NOMO3: variants seen among roughly 807,000 people sequenced by gnomAD.
The protein encoded by NOMO3 is BOS complex subunit NOMO3.
In NOMO3, 15 loss-of-function variants were observed where a neutral mutation model predicts 69.9. The observed-to-expected ratio is 0.21, with a 90% CI of 0.14 to 0.33. The LOEUF (loss-of-function observed/expected upper bound fraction) is 0.33, where lower values mean the gene tolerates loss of function less well. NOMO3 is among the 10% of genes least tolerant of loss of function. NOMO3 has a pLI of 1.00. For synonymous variants in NOMO3, 89 were observed against 301.9 expected (o/e 0.29, Z 7.31); for missense variants, 218 against 761.0 (o/e 0.29, Z 8.39).
intron 14 of NOMO3, 114 bp from the exon 15 acceptor site, chr16:16,264,929 A>G (rs1196652908): frequency 3.1e-6 from 2 of 640,898 alleles, no homozygotes; most frequent in Non-Finnish European, 5.1e-6. Context: ...CTTTATGTCT[A>G]CATACACACC....
intron 13 of NOMO3, 116 bp from the exon 14 acceptor site, chr16:16,263,397 C>A: frequency 6.5e-7 from 1 of 1,537,472 alleles, no homozygotes; most frequent in Non-Finnish European, 8.7e-7. Context: ...CTGCCTCCGG[C>A]CACTGCCTCT....
intron 11 of NOMO3, chr16:16,260,927 C>G (rs1596810770): frequency 7.2e-6 from 1 of 139,714 alleles, no homozygotes; most frequent in Non-Finnish European, 1.6e-5. Context: ...TGGCTCCTAC[C>G]TCCCAAGGAG....
At chr16:16,244,331 T>C (rs1404767477) in intron 4 of NOMO3, among the ~76,000 whole-genome samples, 1 of 132,952 alleles carries the variant, frequency 7.5e-6, no homozygotes, top group African/African-American at 3.3e-5. Context: ...ATTTATTTTT[T>C]TGAGACAGAG....
chr16:16,240,550 CA>C (rs2049367066), intron 3 of NOMO3, among the ~76,000 whole-genome samples: 1 of 145,454 alleles, frequency 6.9e-6, no homozygotes, highest in Non-Finnish European at 1.5e-5. Context: ...CACATCCCAA[CA>C]AAAGCTCCAA....
In NOMO3 at chr16:16,269,127, C is replaced by T. The variant is rs560581278; in HGVS notation, c.1895-994C>T. On this transcript the variant is annotated intron_variant, in intron 16 of 30. Transcript: ENST00000399336. ...TCCTGCCCCTCCTAGCTGGGGCCTT[C>T]TTACCCATCAGTTCAGTATTGCTTC... is the stretch of plus-strand genomic sequence containing the variant. Among the ~76,000 whole-genome samples the T allele has an allele frequency of 2.6e-4, 38 of 144,282 alleles. 2 individuals are homozygous for T. The South Asian group carries it at 8.1e-3, about 31-fold the overall frequency. The allele number at this position is 144,282 out of a possible 152,430, so 94.7% of individuals were successfully genotyped here. A position where few individuals can be genotyped will look rare whatever the true frequency, so the allele number is the denominator to read the frequency against.
Position 16,256,219 on chromosome 16 carries a change from A to C in NOMO3, c.1220+61A>C, listed in dbSNP as rs867460896. On this transcript the variant is annotated intron_variant, in intron 11 of 30. Coordinates refer to ENST00000399336, the MANE Select transcript of NOMO3 (RefSeq NM_001004067.4). ...ATATGCTGGCAGCCAGTGTAGAACC[A>C]AATGACCTGTGATCTGTGTGTCTTT... 30 of 1,553,576 alleles carry C rather than the reference A, an allele frequency of 1.9e-5. 2 individuals are homozygous for C. Among genetic ancestry groups the C allele is most frequent in the Non-Finnish European group, 2.5e-5 (29 of 1,154,538 alleles).
rs537581243 is a variant in NOMO3 at position 16,236,690 on chromosome 16, T to C, written c.166-211T>C. Among the ~76,000 whole-genome samples, 69 of 145,008 alleles carry C rather than the reference T, an allele frequency of 4.8e-4. 2 individuals carry two copies. The highest frequency in any genetic ancestry group is 1.7e-3 in the African/African-American group (61 of 36,450). On this transcript the variant is annotated intron_variant, in intron 1 of 30. Coordinates refer to ENST00000399336, the MANE Select transcript of NOMO3 (RefSeq NM_001004067.4). ...AAAAATAAGGCATTGTAATAGGCTG[T>C]AGGTGGTTTCTAATCTGAAAAACAT...
chr16:16,265,120 G>A lies in NOMO3; in HGVS notation c.1747G>A (p.Val583Ile), dbSNP rs371888178. Residue 583 changes from valine (V) to isoleucine (I), a missense_variant, in exon 15 of 31, where the codon GTT (valine) becomes ATT (isoleucine). By Grantham distance (29) the Val-to-Ile change is conservative. Coordinates refer to ENST00000399336, the MANE Select transcript of NOMO3 (RefSeq NM_001004067.4). ...VEVLEDDVSA[V>I]EFRQTGYMLR... Reference sequence around the variant, plus strand: ...AGTGCTGGAGGATGACGTGTCTGCAGTTGAGTTCAGGCAGACGGGCTACAT... The same window carrying A: ...AGTGCTGGAGGATGACGTGTCTGCAATTGAGTTCAGGCAGACGGGCTACAT... 2 of 1,582,548 alleles carry A rather than the reference G, an allele frequency of 1.3e-6. No individual in the cohort carries two copies. The highest frequency in any genetic ancestry group is 1.7e-6 in the Non-Finnish European group (2 of 1,176,002).
At chr16:16,238,938 G>T (rs2049352561) in intron 2 of NOMO3, among the ~76,000 whole-genome samples, 2 of 135,286 alleles carry the variant, frequency 1.5e-5, no homozygotes, top group Admixed American at 7.1e-5. Flanking sequence ...AATTAGCCGG[G>T]TGTCACGTGG....
chr16:16,237,555 T>C (rs2049336975), intron 2 of NOMO3, among the ~76,000 whole-genome samples: 1 of 142,992 alleles, frequency 7.0e-6, no homozygotes, highest in African/African-American at 2.8e-5. Flanking sequence ...TTGTTTTTTT[T>C]TTTCTTCTTT....
chr16:16,255,255 A>G (rs923377976), intron 9 of NOMO3, among the ~76,000 whole-genome samples: 44 of 140,330 alleles, frequency 3.1e-4, no homozygotes, highest in Admixed American at 6.9e-5. Flanking sequence ...CGTGGTGGAA[A>G]GACAGGAGGG....
rs193209517 is a variant in NOMO3 at position 16,254,818 on chromosome 16, C to G, written c.964-902C>G. Among the ~76,000 whole-genome samples, 168 of 144,906 alleles carry G rather than the reference C, an allele frequency of 1.2e-3. 15 individuals carry two copies. The highest frequency in any genetic ancestry group is 0.01 in the Middle Eastern group (3 of 290). On this transcript the variant is annotated intron_variant, in intron 9 of 30. Transcript: ENST00000399336. Reference sequence around the variant, plus strand: ...CTCAGTAACTGCAGAGAAAGCACAGCTGTGCTGCTCACAGGCGAGTGGGGC... The same window carrying G: ...CTCAGTAACTGCAGAGAAAGCACAGGTGTGCTGCTCACAGGCGAGTGGGGC...
chr16:16,237,120 T>C, intron 2 of NOMO3, 130 bp downstream of exon 2: 1 of 828,784 alleles, frequency 1.2e-6, no homozygotes, highest in South Asian at 1.7e-5. Context: ...AATATGATAA[T>C]CCTAGCCACA....
intron 3 of NOMO3, among the ~76,000 whole-genome samples, chr16:16,242,501 G>A (rs1253559139): frequency 1.4e-5 from 2 of 142,830 alleles, no homozygotes. Context: ...GACTTGAGTG[G>A]CAGTTGTCTC....
chr16:16,239,420 T>C (rs1271516861), intron 2 of NOMO3, among the ~76,000 whole-genome samples: 1 of 146,366 alleles, frequency 6.8e-6, no homozygotes, highest in African/African-American at 2.7e-5. Context: ...CCTCCCACAG[T>C]GTTGGGATTA....
intron 1 of NOMO3, among the ~76,000 whole-genome samples, chr16:16,234,232 C>G (rs556665576): frequency 3.0e-4 from 45 of 150,976 alleles, no homozygotes; most frequent in Admixed American, 2.2e-3. Flanking sequence ...TGGCTGTAGA[C>G]GGCACAGGGC....
intron 9 of NOMO3, among the ~76,000 whole-genome samples, chr16:16,254,570 C>T (rs1189397645): frequency 4.2e-5 from 6 of 142,382 alleles, no homozygotes; most frequent in African/African-American, 1.2e-4. Context: ...CTGTTGCACA[C>T]GTGCGTGCAC....
chr16:16,263,147 A>G lies in NOMO3; in HGVS notation c.1469A>G (p.Asp490Gly). The G allele has an allele frequency of 6.3e-7, 1 of 1,590,908 alleles. No homozygotes were observed. Among genetic ancestry groups the G allele is most frequent in the Non-Finnish European group, 8.5e-7 (1 of 1,175,882 alleles). Residue 490 changes from aspartate to glycine, a missense_variant, in exon 13 of 31, where the codon GAC becomes GGC. By Grantham distance (94) the Asp-to-Gly change is moderately conservative (BLOSUM62 -1). Coordinates refer to ENST00000399336, the MANE Select transcript of NOMO3 (RefSeq NM_001004067.4). ...CAGACATTTCCTCTTACTGTGACCG[A>G]CAGGCCTGTGATGGATGTGGCCTTT... ...KPQTFPLTVTDRPVMDVAFVQ... is the reference protein window; with the variant it reads ...KPQTFPLTVTGRPVMDVAFVQ...
In NOMO3 at chr16:16,263,441, A is replaced by G. The variant is rs1297070700; in HGVS notation, c.1538-72A>G. 7.9e-5 allele frequency: 51 copies of G among 644,738 alleles called. 2 individuals are homozygous for G. Among genetic ancestry groups the G allele is most frequent in the Non-Finnish European group, 1.3e-4 (49 of 376,590 alleles). 39.9% of individuals were successfully genotyped at this position (644,738 alleles called of 1,614,324 possible). On this transcript the variant is annotated intron_variant, in intron 13 of 30. Coordinates refer to ENST00000399336, the MANE Select transcript of NOMO3 (RefSeq NM_001004067.4). ...CAGCAGTAGCAAGAAGCTATTACATAGGGTTAGGATTCGAACCTGTGCTGA... is the reference window on the plus strand; with the variant it reads ...CAGCAGTAGCAAGAAGCTATTACATGGGGTTAGGATTCGAACCTGTGCTGA...
Sources: allele counts gnomAD v4.1 joint callset (sites outside exome capture counted in the v4.1 genomes callset), GRCh38; gene constraint gnomAD v4.1.1; transcripts MANE v1.5; gene names NCBI Gene and HGNC (gene_info 2026-07-23, HGNC 2026-07-21).